The following CFAP299 variants were observed in gnomAD, a reference collection of about 807,000 sequenced individuals.
CFAP299 encodes the protein cilia- and flagella-associated protein 299.
CFAP299 carries 21 observed loss-of-function variants against 27.0 expected under a neutral mutation model. The observed-to-expected ratio is 0.78, with a 90% CI of 0.55 to 1.12. CFAP299 has a LOEUF of 1.12. CFAP299 is among the 50% of genes most tolerant of loss of function. The probability of loss-of-function intolerance (pLI) is 0.00; values close to 1 mark genes in which losing one functional copy is unlikely to be tolerated. For synonymous variants in CFAP299, 104 were observed against 98.1 expected, an observed-to-expected ratio of 1.06 and a Z score of -0.36; for missense variants, 310 against 276.6, an observed-to-expected ratio of 1.12 and a Z score of -0.86.
chr4:80,791,458 A>G (rs1290683618), intron 3 of CFAP299, among the ~76,000 whole-genome samples: 1 of 152,082 alleles, frequency 6.6e-6, no homozygotes, highest in Non-Finnish European at 1.5e-5. Context: ...TACCATTCTT[A>G]TACATAGGAG....
chr4:80,732,704 T>C (rs1277265627), intron 3 of CFAP299, among the ~76,000 whole-genome samples: 1 of 152,180 alleles, frequency 6.6e-6, no homozygotes, highest in Non-Finnish European at 1.5e-5. Flanking sequence ...TCACATGGCA[T>C]TGTTATTTTC....
chr4:80,421,590 G>C (rs1185633647), intron 2 of CFAP299, among the ~76,000 whole-genome samples: 1 of 152,026 alleles, frequency 6.6e-6, no homozygotes, highest in Non-Finnish European at 1.5e-5. Flanking sequence ...ATAAGAAGAA[G>C]GAGGAGGAGC....
intron 3 of CFAP299, among the ~76,000 whole-genome samples, chr4:80,673,704 T>C (rs1719180824): frequency 6.6e-6 from 1 of 152,212 alleles, no homozygotes. Flanking sequence ...TGCTCCTGTA[T>C]TGGGTGCATA....
At chr4:80,791,829 C>T (rs1340417805) in intron 3 of CFAP299, among the ~76,000 whole-genome samples, 4 of 151,358 alleles carry the variant, frequency 2.6e-5, no homozygotes, top group Admixed American at 2.6e-4. Flanking sequence ...CACAGAATGA[C>T]ATATTGACAG....
At chr4:80,491,897 CT>C (rs1731154498) in intron 2 of CFAP299, among the ~76,000 whole-genome samples, 1 of 152,198 alleles carries the variant, frequency 6.6e-6, no homozygotes, top group Admixed American at 6.5e-5. Context: ...GCTAAATCTT[CT>C]TCTTCCAGAC....
chr4:80,859,680 GCTGGATATGAAATTCTC>G (rs1174860804), intron 3 of CFAP299, among the ~76,000 whole-genome samples: 1 of 151,922 alleles, frequency 6.6e-6, no homozygotes, highest in Non-Finnish European at 1.5e-5. Context: ...GCTTAGTTTG[GCTGGATATGAAATTCTC>G]GGTTGAAAAT....
chr4:80,488,227 G>A (rs1185243381), intron 2 of CFAP299, among the ~76,000 whole-genome samples: 7 of 152,078 alleles, frequency 4.6e-5, no homozygotes, highest in South Asian at 2.1e-4. Flanking sequence ...CCCCACTGCC[G>A]CAGAAGTAAT....
At chr4:80,645,046 T>A (rs189112353) in intron 3 of CFAP299, among the ~76,000 whole-genome samples, 71 of 152,206 alleles carry the variant, frequency 4.7e-4, no homozygotes, top group African/African-American at 1.6e-3. Flanking sequence ...AGTCCAGACA[T>A]CCTCCTTGAG....
At chr4:80,389,818 A>G (rs1725227968) in intron 2 of CFAP299, among the ~76,000 whole-genome samples, 1 of 152,154 alleles carries the variant, frequency 6.6e-6, no homozygotes, top group East Asian at 1.9e-4. Context: ...CTTTAAACAC[A>G]TTTTATGGAT....
chr4:80,881,690 A>G (rs1733714867), intron 4 of CFAP299, among the ~76,000 whole-genome samples: 1 of 152,244 alleles, frequency 6.6e-6, no homozygotes, highest in African/African-American at 2.4e-5. Context: ...ACCTACAAGG[A>G]ATATGAAGAA....
At chr4:80,616,706 T>G (rs773312236) in intron 3 of CFAP299, among the ~76,000 whole-genome samples, 55 of 152,242 alleles carry the variant, frequency 3.6e-4, no homozygotes, top group Admixed American at 1.3e-3. Flanking sequence ...TATGATGTAC[T>G]GATGGTCCCA....
At chr4:80,405,917 C>T (rs1726393215) in intron 2 of CFAP299, among the ~76,000 whole-genome samples, 1 of 152,056 alleles carries the variant, frequency 6.6e-6, no homozygotes. Context: ...TTAGATACAG[C>T]CATGACAGTA....
intron 3 of CFAP299, among the ~76,000 whole-genome samples, chr4:80,819,747 C>T (rs1423397231): frequency 6.6e-6 from 1 of 152,080 alleles, no homozygotes; most frequent in Non-Finnish European, 1.5e-5. Context: ...CTTTTTGCTT[C>T]AGTAAGTACT....
At chr4:80,799,931 T>C (rs1728296277) in intron 3 of CFAP299, among the ~76,000 whole-genome samples, 1 of 49,208 alleles carries the variant, frequency 2.0e-5, no homozygotes, top group African/African-American at 8.6e-5. Flanking sequence ...TATATATTTA[T>C]ATATTATATT....
chr4:80,943,997 C>T lies in CFAP299; in HGVS notation c.477-813C>T, dbSNP rs190267406. Among the ~76,000 whole-genome samples the T allele has an allele frequency of 7.1e-4, 107 of 151,694 alleles. 1 individual carries two copies. The East Asian group carries it at 0.018, about 26-fold the overall frequency. Reference sequence around the variant, plus strand: ...AGGAGAATTGCTTGAACCCAGGAGGCGGAGGTTGCAGTGAGCTGAGATCAC... The same window carrying T: ...AGGAGAATTGCTTGAACCCAGGAGGTGGAGGTTGCAGTGAGCTGAGATCAC... On this transcript the variant is annotated intron_variant, in intron 4 of 5. Coordinates refer to ENST00000358105, the MANE Select transcript of CFAP299 (RefSeq NM_152770.3).
chr4:80,480,939 T>C (rs1730533129), intron 2 of CFAP299, among the ~76,000 whole-genome samples: 1 of 152,046 alleles, frequency 6.6e-6, no homozygotes, highest in Admixed American at 6.6e-5. Context: ...GTGTAACTAA[T>C]ATCCAAAAAG....
At chr4:80,822,732 T>C (rs941389645) in intron 3 of CFAP299, among the ~76,000 whole-genome samples, 1 of 152,162 alleles carries the variant, frequency 6.6e-6, no homozygotes, top group African/African-American at 2.4e-5. Context: ...AGAGTTACCA[T>C]AAAAACTGGA....
intron 3 of CFAP299, among the ~76,000 whole-genome samples, chr4:80,805,421 T>A (rs939255870): frequency 5.3e-5 from 8 of 152,178 alleles, no homozygotes; most frequent in African/African-American, 1.9e-4. Context: ...GCAGGAACTA[T>A]ATCACTTTCA....
rs1159432115 is a variant in CFAP299 at position 80,390,877 on chromosome 4, G to C, written c.242+27993G>C. On this transcript the variant is annotated intron_variant, in intron 2 of 5. Coordinates refer to ENST00000358105, the MANE Select transcript of CFAP299 (RefSeq NM_152770.3). ...TGTATATGTATATGCGCACATATAT[G>C]TATATATGTATATACACACATATGC... Among the ~76,000 whole-genome samples the C allele has an allele frequency of 9.2e-5, 8 of 86,724 alleles. 2 individuals carry two copies. In the East Asian group the frequency reaches 2.8e-3, roughly 31 times the overall value. 56.9% of individuals were successfully genotyped at this position (86,724 alleles called of 152,430 possible).
Sources: allele counts gnomAD v4.1 joint callset (sites outside exome capture counted in the v4.1 genomes callset), GRCh38; gene constraint gnomAD v4.1.1; transcripts MANE v1.5; gene names NCBI Gene and HGNC (gene_info 2026-07-23, HGNC 2026-07-21).